ARHGAP10: variants seen among roughly 807,000 people sequenced by gnomAD.
ARHGAP10 encodes the protein rho GTPase-activating protein 10.
Under a neutral mutation model 108.6 loss-of-function variants are expected in ARHGAP10, and 87 were observed. The observed-to-expected ratio is 0.80, with a 90% CI of 0.67 to 0.96. The LOEUF (loss-of-function observed/expected upper bound fraction) is 0.96. ARHGAP10 is among the 40% of genes least tolerant of loss of function. The pLI, the probability that ARHGAP10 is intolerant of heterozygous loss-of-function variation, is 0.00. For missense variants in ARHGAP10, 939 were observed against 954.5 expected (o/e 0.98, Z 0.21); for synonymous variants, 347 against 341.1 (o/e 1.02, Z -0.19).
At chr4:148,033,217 C>T (rs910411271) in intron 19 of ARHGAP10, among the ~76,000 whole-genome samples, 1 of 152,088 alleles carries the variant, frequency 6.6e-6, no homozygotes, top group Non-Finnish European at 1.5e-5. Context: ...CTGTATAGTA[C>T]TCTCTGCATT....
intron 1 of ARHGAP10, among the ~76,000 whole-genome samples, chr4:147,821,544 T>G (rs529312435): frequency 3.2e-4 from 48 of 152,198 alleles, no homozygotes; most frequent in Admixed American, 5.9e-4. Context: ...ACGATAAACA[T>G]GAATTAGAGG....
At chr4:148,054,097 T>G (rs1214447534) in intron 20 of ARHGAP10, among the ~76,000 whole-genome samples, 1 of 152,270 alleles carries the variant, frequency 6.6e-6, no homozygotes, top group Non-Finnish European at 1.5e-5. Context: ...AAGATTTTCT[T>G]ACTTGATGCC....
chr4:148,013,604 C>T (rs987497874), intron 18 of ARHGAP10, among the ~76,000 whole-genome samples: 3 of 152,082 alleles, frequency 2.0e-5, no homozygotes, highest in Admixed American at 6.5e-5. Flanking sequence ...AGGAGAATGG[C>T]GTGAACCCGG....
chr4:147,869,497 A>G (rs2118034), intron 7 of ARHGAP10, among the ~76,000 whole-genome samples: 144,029 of 152,210 alleles, frequency 0.95, 68,587 homozygotes, highest in Non-Finnish European at 1. Context: ...AAATGACCTG[A>G]TTGGAATCCT....
At chr4:147,800,899 C>G (rs953738387) in intron 1 of ARHGAP10, among the ~76,000 whole-genome samples, 3 of 152,208 alleles carry the variant, frequency 2.0e-5, no homozygotes, top group African/African-American at 7.2e-5. Context: ...GCAACCCACG[C>G]CTCGTGGGAT....
intron 1 of ARHGAP10, among the ~76,000 whole-genome samples, chr4:147,782,077 C>T (rs1730559479): frequency 6.6e-6 from 1 of 152,148 alleles, no homozygotes; most frequent in African/African-American, 2.4e-5. Flanking sequence ...AGCAAAGTAA[C>T]AACTTGAATG....
At chr4:147,922,615 G>A (rs1210735377) in intron 13 of ARHGAP10, among the ~76,000 whole-genome samples, 2 of 149,338 alleles carry the variant, frequency 1.3e-5, no homozygotes, top group Non-Finnish European at 1.5e-5. Context: ...GTGAACCCGG[G>A]AGGCGGAGCT....
intron 7 of ARHGAP10, among the ~76,000 whole-genome samples, chr4:147,874,029 A>T (rs1734957384): frequency 6.6e-6 from 1 of 151,956 alleles, no homozygotes; most frequent in African/African-American, 2.4e-5. Context: ...TTGTGTTTAA[A>T]AAAAAACAAC....
chr4:148,039,904 C>G (rs1233295789), intron 19 of ARHGAP10, among the ~76,000 whole-genome samples: 1 of 151,826 alleles, frequency 6.6e-6, no homozygotes, highest in African/African-American at 2.4e-5. Flanking sequence ...GGCAATTTCA[C>G]TTCTATTCTC....
At chr4:147,748,054 A>G (rs1560737081) in intron 1 of ARHGAP10, among the ~76,000 whole-genome samples, 1 of 152,318 alleles carries the variant, frequency 6.6e-6, no homozygotes, top group East Asian at 1.9e-4. Context: ...ATCCAGCCCC[A>G]AATGTTCGTA....
chr4:147,966,127 A>G (rs753782434), intron 17 of ARHGAP10, among the ~76,000 whole-genome samples: 2 of 152,246 alleles, frequency 1.3e-5, no homozygotes, highest in Non-Finnish European at 2.9e-5. Flanking sequence ...GGTGCTACGC[A>G]GTCTAGTATT....
intron 12 of ARHGAP10, among the ~76,000 whole-genome samples, chr4:147,911,002 C>T (rs77883533): frequency 0.018 from 2,733 of 152,094 alleles, 79 homozygotes; most frequent in African/African-American, 0.063. Flanking sequence ...CTTCCTTCCT[C>T]CCTCCTCCTC....
At chr4:147,764,489 A>AC (rs1414171794) in intron 1 of ARHGAP10, among the ~76,000 whole-genome samples, 1 of 151,876 alleles carries the variant, frequency 6.6e-6, no homozygotes, top group Non-Finnish European at 1.5e-5. Context: ...TTGAGGTAAA[A>AC]AAAAAAAACC....
At chr4:147,979,835 C>T (rs908013666) in intron 18 of ARHGAP10, among the ~76,000 whole-genome samples, 2 of 152,198 alleles carry the variant, frequency 1.3e-5, no homozygotes, top group East Asian at 3.9e-4. Flanking sequence ...CTTCTCAGCT[C>T]AGATGTTACT....
In ARHGAP10 at chr4:147,962,549, C is replaced by T. The variant is rs145969467; in HGVS notation, c.1451-2475C>T. ...AAGCAACGACTCCCAGGTGTAGTGA[C>T]GGTCCTGACATACAATCTTTTGACT... On this transcript the variant is annotated intron_variant, in intron 16 of 22. Coordinates refer to ENST00000336498, the MANE Select transcript of ARHGAP10 (RefSeq NM_024605.4). 1.8e-3 allele frequency among the ~76,000 whole-genome samples: 278 copies of T among 152,248 alleles called. 1 individual carries two copies. Among genetic ancestry groups the T allele is most frequent in the African/African-American group, 6.3e-3 (261 of 41,534 alleles).
At chr4:147,986,286 C>A (rs1235510409) in intron 18 of ARHGAP10, among the ~76,000 whole-genome samples, 88 of 152,140 alleles carry the variant, frequency 5.8e-4, no homozygotes, top group Admixed American at 5.8e-3. Context: ...ACACATGAAG[C>A]TCATGGAGGG....
intron 13 of ARHGAP10, among the ~76,000 whole-genome samples, chr4:147,927,122 A>C (rs1737495390): frequency 6.6e-6 from 1 of 152,208 alleles, no homozygotes; most frequent in Non-Finnish European, 1.5e-5. Flanking sequence ...GAGACACTAT[A>C]GTCTGACCTT....
chr4:147,963,421 C>T, intron 16 of ARHGAP10, among the ~76,000 whole-genome samples: 1 of 152,198 alleles, frequency 6.6e-6, no homozygotes, highest in East Asian at 1.9e-4. Flanking sequence ...TCTTTTCTGT[C>T]AGCAGTAAAT....
At chr4:147,843,473 T>G (rs1431591509) in intron 3 of ARHGAP10, among the ~76,000 whole-genome samples, 1 of 152,172 alleles carries the variant, frequency 6.6e-6, no homozygotes, top group Non-Finnish European at 1.5e-5. Context: ...GAGCTCTCAT[T>G]CTTTCTTTAA....
Sources: gnomAD v4.1 joint callset for allele counts (sites outside exome capture counted in the v4.1 genomes callset) on GRCh38, gnomAD v4.1.1 for gene constraint, MANE v1.5 for transcripts, NCBI Gene and HGNC (gene_info 2026-07-23, HGNC 2026-07-21) for gene names.